EYA2: variants seen among roughly 807,000 people sequenced by gnomAD.
The protein encoded by EYA2 is protein phosphatase EYA2.
A neutral mutation model predicts 69.2 loss-of-function variants in EYA2; 31 were observed. The ratio of observed to expected loss-of-function variants is 0.45; its 90% CI spans 0.34 to 0.60. The LOEUF (loss-of-function observed/expected upper bound fraction) is 0.60, where lower values mean the gene tolerates loss of function less well. Ranked by LOEUF, EYA2 falls within the 20% of genes least tolerant of loss-of-function variation. The pLI, the probability that EYA2 is intolerant of heterozygous loss-of-function variation, is 0.02. For missense variants in EYA2, 622 were observed against 701.2 expected, an observed-to-expected ratio of 0.89 and a Z score of 1.28; for synonymous variants, 257 against 279.4, an observed-to-expected ratio of 0.92 and a Z score of 0.80.
intron 1 of EYA2, among the ~76,000 whole-genome samples, chr20:46,910,910 G>A (rs533214790): frequency 7.2e-5 from 11 of 152,224 alleles, no homozygotes; most frequent in East Asian, 1.9e-4. Flanking sequence ...CCACATTACC[G>A]CAGTTGACTG....
chr20:46,958,219 C>G (rs1979252524), intron 1 of EYA2, among the ~76,000 whole-genome samples: 1 of 152,180 alleles, frequency 6.6e-6, no homozygotes, highest in Non-Finnish European at 1.5e-5. Flanking sequence ...CTGCCTCCTG[C>G]CACGCTGCTG....
intron 5 of EYA2, among the ~76,000 whole-genome samples, chr20:47,030,653 A>T (rs1984357623): frequency 6.6e-6 from 1 of 152,202 alleles, no homozygotes; most frequent in Admixed American, 6.5e-5. Flanking sequence ...GAAGTCCCAG[A>T]TGGAGGTGCC....
At chr20:47,118,734 C>T (rs1036120896) in intron 9 of EYA2, among the ~76,000 whole-genome samples, 2 of 152,118 alleles carry the variant, frequency 1.3e-5, no homozygotes, top group African/African-American at 4.8e-5. Flanking sequence ...TGAGAGAGAC[C>T]ATTTCCTTAT....
intron 9 of EYA2, among the ~76,000 whole-genome samples, chr20:47,116,484 C>A (rs1439119337): frequency 6.6e-6 from 1 of 152,100 alleles, no homozygotes; most frequent in Admixed American, 6.6e-5. Context: ...GGCCCACCAT[C>A]CTTCTTAAAA....
intron 1 of EYA2, among the ~76,000 whole-genome samples, chr20:46,986,420 TATATATA>T (rs1033751916): frequency 9.0e-5 from 13 of 143,870 alleles, no homozygotes; most frequent in African/African-American, 3.3e-4. Context: ...ATAATATCTA[TATATATA>T]ATATATAATA....
chr20:47,153,929 A>G (rs2033871439), intron 10 of EYA2, among the ~76,000 whole-genome samples: 2 of 151,986 alleles, frequency 1.3e-5, no homozygotes, highest in African/African-American at 2.4e-5. Flanking sequence ...AATAACTGAC[A>G]TTTACTGAGC....
chr20:47,182,660 G>T (rs2034561350), intron 14 of EYA2, among the ~76,000 whole-genome samples: 2 of 144,096 alleles, frequency 1.4e-5, no homozygotes, highest in African/African-American at 5.5e-5. Context: ...AGATGGCTGG[G>T]TGCAGTGGCT....
intron 8 of EYA2, among the ~76,000 whole-genome samples, chr20:47,089,736 G>A (rs2032015613): frequency 6.6e-6 from 1 of 152,106 alleles, no homozygotes; most frequent in Non-Finnish European, 1.5e-5. Context: ...CTGGATTGAG[G>A]ACCACACTCT....
At position 47,188,248 on chromosome 20, in the gene EYA2, G is replaced by A; in HGVS notation, c.*115G>A. 1.0e-6 allele frequency: 1 copy of A among 957,512 alleles called. No homozygotes were observed. The highest frequency in any genetic ancestry group is 1.6e-6 in the Non-Finnish European group (1 of 626,482). 59.3% of individuals were successfully genotyped at this position (957,512 alleles called of 1,614,324 possible). A position where few individuals can be genotyped will look rare whatever the true frequency, so the allele number is the denominator to read the frequency against. ...TTGGACACCAGGAAGGGGCCCCACA[G>A]CCGAGACGACGTGTCCAGTGACCAT... On this transcript the variant is annotated 3_prime_UTR_variant, in exon 16 of 16. Transcript: ENST00000327619.
At chr20:46,974,701 T>C (rs1339820225) in intron 1 of EYA2, among the ~76,000 whole-genome samples, 1 of 151,946 alleles carries the variant, frequency 6.6e-6, no homozygotes, top group Non-Finnish European at 1.5e-5. Context: ...GCTTTGTGCC[T>C]TGTTTTGGTG....
chr20:47,163,905 A>G (rs1468551911), intron 10 of EYA2, among the ~76,000 whole-genome samples: 2 of 152,044 alleles, frequency 1.3e-5, no homozygotes, highest in African/African-American at 2.4e-5. Flanking sequence ...AAATCCCTCG[A>G]GACGGGGATT....
chr20:46,929,148 T>A (rs1985546709), intron 1 of EYA2, among the ~76,000 whole-genome samples: 1 of 107,466 alleles, frequency 9.3e-6, no homozygotes, highest in South Asian at 3.8e-4. Context: ...ACAAATAAGT[T>A]GTGCAAAAAA....
At chr20:46,949,371 G>A (rs1201857876) in intron 1 of EYA2, among the ~76,000 whole-genome samples, 1 of 152,226 alleles carries the variant, frequency 6.6e-6, no homozygotes, top group Non-Finnish European at 1.5e-5. Flanking sequence ...CTAAGTGTGA[G>A]AGTAAGTCAG....
At chr20:47,044,763 T>C (rs979087154) in intron 5 of EYA2, among the ~76,000 whole-genome samples, 5 of 152,192 alleles carry the variant, frequency 3.3e-5, no homozygotes, top group African/African-American at 1.2e-4. Flanking sequence ...ATTTTGTAAA[T>C]GAGAAATTTG....
At chr20:47,122,829 G>A (rs79670248) in intron 9 of EYA2, among the ~76,000 whole-genome samples, 1 of 152,036 alleles carries the variant, frequency 6.6e-6, no homozygotes, top group Non-Finnish European at 1.5e-5. Context: ...TTGTGCTACC[G>A]CAGCAGAGTT....
At chr20:46,989,072 A>G (rs768895958) in intron 1 of EYA2, among the ~76,000 whole-genome samples, 17 of 152,066 alleles carry the variant, frequency 1.1e-4, no homozygotes, top group Non-Finnish European at 2.5e-4. Context: ...AAAAAATGAG[A>G]AAGACCAAAG....
chr20:46,958,188 G>C (rs1167325284), intron 1 of EYA2, among the ~76,000 whole-genome samples: 4 of 152,216 alleles, frequency 2.6e-5, no homozygotes, highest in Non-Finnish European at 2.9e-5. Context: ...AATGGGTTCA[G>C]CTGCGCCTGT....
chr20:46,951,592 C>A (rs574845913), intron 1 of EYA2, among the ~76,000 whole-genome samples: 2 of 152,326 alleles, frequency 1.3e-5, no homozygotes, highest in African/African-American at 2.4e-5. Context: ...CCGGGCTATG[C>A]ACTTCTACAT....
chr20:46,995,005 A>G (rs759806248), intron 2 of EYA2, among the ~76,000 whole-genome samples: 2 of 152,026 alleles, frequency 1.3e-5, no homozygotes, highest in African/African-American at 2.4e-5. Flanking sequence ...GGTTCAAGCA[A>G]TTCTCCTGCC....
Sources: gnomAD v4.1 joint callset for allele counts (sites outside exome capture counted in the v4.1 genomes callset) on GRCh38, gnomAD v4.1.1 for gene constraint, MANE v1.5 for transcripts, NCBI Gene and HGNC (gene_info 2026-07-23, HGNC 2026-07-21) for gene names.